Variants in RFX3 observed in about 807,000 individuals in gnomAD.
The protein encoded by RFX3 is transcription factor RFX3.
In RFX3, 14 loss-of-function variants were observed where a neutral mutation model predicts 98.6. That is an observed-to-expected ratio of 0.14 (90% CI 0.09 to 0.22). The LOEUF (loss-of-function observed/expected upper bound fraction) is 0.22, where lower values mean the gene tolerates loss of function less well. Among genes scored for constraint, RFX3 ranks in the 10% least tolerant of loss-of-function variants. The pLI is 1.00. For synonymous variants in RFX3, 383 were observed against 328.4 expected (o/e 1.17, Z -1.80); for missense variants, 639 against 926.9 (o/e 0.69, Z 4.03).
intron 2 of RFX3, 66 bp from the exon 3 acceptor site, chr9:3,346,830 T>A: frequency 1.0e-6 from 1 of 959,000 alleles, no homozygotes; most frequent in Non-Finnish European, 1.7e-6. Flanking sequence ...GAGCATTAGA[T>A]CTATCTCAAA....
At chr9:3,397,234 A>G (rs1840987597) in intron 1 of RFX3, among the ~76,000 whole-genome samples, 1 of 152,212 alleles carries the variant, frequency 6.6e-6, no homozygotes, top group African/African-American at 2.4e-5. Context: ...TATGCATTCA[A>G]TAAAAGAAAT....
intron 4 of RFX3, among the ~76,000 whole-genome samples, chr9:3,305,657 C>T (rs180793955): frequency 7.9e-4 from 120 of 152,028 alleles, no homozygotes; most frequent in Non-Finnish European, 2.9e-4. Context: ...GTCACTCCTA[C>T]GAATTAGCCC....
intron 1 of RFX3, among the ~76,000 whole-genome samples, chr9:3,495,934 A>C (rs1456332143): frequency 6.6e-6 from 1 of 152,096 alleles, no homozygotes; most frequent in Non-Finnish European, 1.5e-5. Flanking sequence ...ATATTCAAAC[A>C]TAAACCATAT....
intron 1 of RFX3, among the ~76,000 whole-genome samples, chr9:3,479,752 A>T (rs1849584494): frequency 1.3e-5 from 2 of 152,248 alleles, no homozygotes; most frequent in South Asian, 2.1e-4. Flanking sequence ...ATAGTAAGAA[A>T]TTTTTTTAAA....
rs147894814 is a variant in RFX3 at position 3,451,136 on chromosome 9, A to G, written c.-8-55540T>C. 1.7e-3 allele frequency among the ~76,000 whole-genome samples: 261 copies of G among 152,346 alleles called. 1 individual carries two copies. The highest frequency in any genetic ancestry group is 5.9e-3 in the African/African-American group (247 of 41,582). ...AATGATGAAAGTGTGTTAAAGAGAT[A>G]TAGAAGTCAACTAAAAGAGCTCTCA... On this transcript the variant is annotated intron_variant, in intron 1 of 16. Transcript: ENST00000617270.
chr9:3,341,675 T>C (rs1335281175), intron 3 of RFX3, among the ~76,000 whole-genome samples: 1 of 152,214 alleles, frequency 6.6e-6, no homozygotes, highest in Non-Finnish European at 1.5e-5. Context: ...GCCATTGTTT[T>C]AGGTATTAGA....
intron 3 of RFX3, among the ~76,000 whole-genome samples, chr9:3,343,342 T>C (rs76683834): frequency 0.062 from 9,377 of 152,170 alleles, 949 homozygotes; most frequent in African/African-American, 0.21. Context: ...AAAGCATTTA[T>C]TATCACACAG....
chr9:3,342,719 C>T (rs545112183), intron 3 of RFX3, among the ~76,000 whole-genome samples: 76 of 151,976 alleles, frequency 5.0e-4, no homozygotes, highest in Non-Finnish European at 9.9e-4. Flanking sequence ...GAAATGAACT[C>T]TCTCTACATG....
At chr9:3,466,105 G>A (rs1459525862) in intron 1 of RFX3, among the ~76,000 whole-genome samples, 1 of 152,176 alleles carries the variant, frequency 6.6e-6, no homozygotes, top group Non-Finnish European at 1.5e-5. Context: ...AGTTTGAAAA[G>A]AAATTCCAGA....
intron 3 of RFX3, among the ~76,000 whole-genome samples, chr9:3,338,963 G>T (rs1489674647): frequency 6.6e-6 from 1 of 151,810 alleles, no homozygotes; most frequent in Non-Finnish European, 1.5e-5. Flanking sequence ...GTGGCGTGTG[G>T]CTGCAGTCCC....
chr9:3,419,596 A>T (rs1843273320), intron 1 of RFX3, among the ~76,000 whole-genome samples: 1 of 152,262 alleles, frequency 6.6e-6, no homozygotes, highest in African/African-American at 2.4e-5. Context: ...TCTGAGAACT[A>T]AGTGCATGAT....
chr9:3,324,482 T>G (rs1037095266), intron 4 of RFX3, among the ~76,000 whole-genome samples: 4 of 151,602 alleles, frequency 2.6e-5, no homozygotes, highest in African/African-American at 7.3e-5. Context: ...TCATTTCCCT[T>G]AAATATAAGG....
rs1020701425 is a variant in RFX3 at position 3,313,905 on chromosome 9, C to T, written c.475-12285G>A. 1.5e-4 allele frequency among the ~76,000 whole-genome samples: 23 copies of T among 152,252 alleles called. No homozygotes were observed. In the South Asian group the frequency reaches 2.1e-3, roughly 14 times the overall value. ...AGCAAATCTACGTCTGATTGGTGTA[C>T]CTGAAAGTGATGGGGAGAATGGAAC... On this transcript the variant is annotated intron_variant, in intron 4 of 16. Coordinates refer to ENST00000617270, the MANE Select transcript of RFX3 (RefSeq NM_001282116.2).
At chr9:3,460,082 C>A (rs1847552718) in intron 1 of RFX3, among the ~76,000 whole-genome samples, 1 of 151,834 alleles carries the variant, frequency 6.6e-6, no homozygotes, top group African/African-American at 2.4e-5. Flanking sequence ...ATCAAAGGAC[C>A]CCAGTCTGGT....
At chr9:3,444,061 T>C (rs1382314864) in intron 1 of RFX3, among the ~76,000 whole-genome samples, 1 of 152,186 alleles carries the variant, frequency 6.6e-6, no homozygotes, top group African/African-American at 2.4e-5. Context: ...TAACCAATTC[T>C]ACTCCTAGGG....
intron 1 of RFX3, among the ~76,000 whole-genome samples, chr9:3,473,353 A>G (rs1254346775): frequency 6.6e-6 from 1 of 152,198 alleles, no homozygotes; most frequent in East Asian, 1.9e-4. Context: ...TTTCTCCACA[A>G]TACTGAACTG....
chr9:3,269,598 T>C (rs575275072), intron 11 of RFX3, among the ~76,000 whole-genome samples: 3 of 152,270 alleles, frequency 2.0e-5, no homozygotes, highest in South Asian at 4.1e-4. Flanking sequence ...GTAGCGTTTA[T>C]ATCGATACTT....
chr9:3,271,252 T>C, intron 9 of RFX3, 134 bp from the exon 10 acceptor site: 1 of 577,664 alleles, frequency 1.7e-6, no homozygotes, highest in Non-Finnish European at 2.9e-6. Flanking sequence ...GAAACTACAC[T>C]AAATTTTACC....
At chr9:3,501,539 C>T (rs1287278288) in intron 1 of RFX3, among the ~76,000 whole-genome samples, 2 of 148,338 alleles carry the variant, frequency 1.3e-5, no homozygotes, top group East Asian at 2.0e-4. Flanking sequence ...CAAAAAGATA[C>T]ATATTTTTTT....
Sources: gnomAD v4.1 joint callset for allele counts (sites outside exome capture counted in the v4.1 genomes callset) on GRCh38, gnomAD v4.1.1 for gene constraint, MANE v1.5 for transcripts, NCBI Gene and HGNC (gene_info 2026-07-23, HGNC 2026-07-21) for gene names.